Variants in SPIDR observed in about 807,000 individuals in gnomAD.
SPIDR encodes scaffold protein involved in DNA repair, also known as DNA repair-scaffolding protein.
Under a neutral mutation model 104.6 loss-of-function variants are expected in SPIDR, and 93 were observed. The observed-to-expected ratio is 0.89, with a 90% CI of 0.75 to 1.06. The LOEUF is 1.06. Among genes scored for constraint, SPIDR ranks in the 50% least tolerant of loss-of-function variants. The pLI is 0.00. For synonymous variants in SPIDR, 431 were observed against 416.9 expected (o/e 1.03, Z -0.41); for missense variants, 1,154 against 1,111.2 (o/e 1.04, Z -0.55).
At chr8:47,485,143 C>G (rs1471907523) in intron 8 of SPIDR, among the ~76,000 whole-genome samples, 1 of 152,226 alleles carries the variant, frequency 6.6e-6, no homozygotes, top group Non-Finnish European at 1.5e-5. Context: ...CGGGTCACTC[C>G]CACCCTAACA....
intron 8 of SPIDR, among the ~76,000 whole-genome samples, chr8:47,526,272 G>T (rs920278787): frequency 1.3e-5 from 2 of 152,132 alleles, no homozygotes; most frequent in African/African-American, 2.4e-5. Flanking sequence ...ACTGTTCTTG[G>T]TTATTTAATT....
intron 7 of SPIDR, among the ~76,000 whole-genome samples, chr8:47,429,167 G>A (rs1266919325): frequency 6.6e-6 from 1 of 152,170 alleles, no homozygotes; most frequent in African/African-American, 2.4e-5. Flanking sequence ...TAACGGAACA[G>A]TAAAGAGTTC....
At chr8:47,624,225 A>G (rs1359391291) in intron 10 of SPIDR, among the ~76,000 whole-genome samples, 4 of 152,234 alleles carry the variant, frequency 2.6e-5, no homozygotes, top group Non-Finnish European at 5.9e-5. Context: ...TCTCTGGGAC[A>G]CATTCAAAGC....
chr8:47,707,779 G>A (rs1248879466), intron 14 of SPIDR, among the ~76,000 whole-genome samples: 2 of 152,126 alleles, frequency 1.3e-5, no homozygotes, highest in Non-Finnish European at 2.9e-5. Flanking sequence ...TTTGTATAAG[G>A]TGTGTGGTTT....
At chr8:47,594,904 G>A (rs1322501531) in intron 8 of SPIDR, among the ~76,000 whole-genome samples, 4 of 152,108 alleles carry the variant, frequency 2.6e-5, no homozygotes, top group Admixed American at 6.5e-5. Flanking sequence ...GCTGAGGCAC[G>A]AGAATTATTT....
At chr8:47,571,064 T>C (rs113549923) in intron 8 of SPIDR, among the ~76,000 whole-genome samples, 5,367 of 151,982 alleles carry the variant, frequency 0.035, 260 homozygotes, top group African/African-American at 0.11. Context: ...GCACTCCAGC[T>C]TGGGCTACGG....
chr8:47,291,873 T>C (rs1258238713), intron 4 of SPIDR, among the ~76,000 whole-genome samples: 2 of 152,202 alleles, frequency 1.3e-5, no homozygotes, highest in African/African-American at 4.8e-5. Flanking sequence ...TTGTGTCATG[T>C]TTTAGACAAT....
intron 5 of SPIDR, among the ~76,000 whole-genome samples, chr8:47,347,839 G>T (rs1359557225): frequency 1.3e-5 from 2 of 152,102 alleles, no homozygotes; most frequent in African/African-American, 4.8e-5. Context: ...GAGCCTATGT[G>T]TGTCTTTGCA....
intron 8 of SPIDR, among the ~76,000 whole-genome samples, chr8:47,588,298 C>T (rs1190248088): frequency 6.7e-6 from 1 of 149,104 alleles, no homozygotes; most frequent in Non-Finnish European, 1.5e-5. Context: ...TTGTGAGATT[C>T]ACACTGACAT....
rs528279454 is a variant in SPIDR, at chr8:47,573,189, G to T, written c.1098-22622G>T. On this transcript the variant is annotated intron_variant, in intron 8 of 19. Coordinates refer to ENST00000297423, the MANE Select transcript of SPIDR (RefSeq NM_001080394.4). ...CGAGTGAAAAGTCCACTTGGTGTTT[G>T]TCCTGATTGTTTTTCGGCAGGCTTA... 2.0e-5 allele frequency among the ~76,000 whole-genome samples: 3 copies of T among 152,306 alleles called. No individual in the cohort carries two copies. In the East Asian group the frequency reaches 5.8e-4, roughly 29 times the overall value.
At chr8:47,286,711 GA>G (rs2038919056) in intron 3 of SPIDR, among the ~76,000 whole-genome samples, 1 of 152,118 alleles carries the variant, frequency 6.6e-6, no homozygotes, top group Non-Finnish European at 1.5e-5. Flanking sequence ...AATCTAGGGG[GA>G]AAAAGATAAC....
At chr8:47,464,924 A>T (rs2074531922) in intron 8 of SPIDR, among the ~76,000 whole-genome samples, 2 of 151,756 alleles carry the variant, frequency 1.3e-5, no homozygotes, top group South Asian at 4.2e-4. Context: ...ATGCACCACC[A>T]CACCTGGCTA....
chr8:47,730,941 G>C (rs1349414032), intron 19 of SPIDR, among the ~76,000 whole-genome samples: 1 of 152,222 alleles, frequency 6.6e-6, no homozygotes, highest in Non-Finnish European at 1.5e-5. Context: ...CTATACACTA[G>C]AATTACCTGC....
intron 8 of SPIDR, chr8:47,548,065 T>C (rs1051407746): frequency 6.6e-6 from 1 of 152,210 alleles, no homozygotes; most frequent in African/African-American, 2.4e-5. Context: ...TTTTTTTAAT[T>C]TCCTGAGACT....
At chr8:47,535,872 A>G (rs1169287653) in intron 8 of SPIDR, among the ~76,000 whole-genome samples, 4 of 152,160 alleles carry the variant, frequency 2.6e-5, no homozygotes, top group African/African-American at 9.6e-5. Flanking sequence ...TGAGGGATGA[A>G]ATAAAGTTGT....
chr8:47,469,862 TAAAAGG>T (rs2075425895), intron 8 of SPIDR, among the ~76,000 whole-genome samples: 1 of 152,082 alleles, frequency 6.6e-6, no homozygotes, highest in African/African-American at 2.4e-5. Context: ...CCCCTGAACT[TAAAAGG>T]TAAAGAAGAA....
intron 6 of SPIDR, among the ~76,000 whole-genome samples, chr8:47,400,707 C>A (rs2061769183): frequency 6.9e-6 from 1 of 144,078 alleles, no homozygotes; most frequent in Admixed American, 7.0e-5. Context: ...ATTTGTGGAA[C>A]TATTCAAAGC....
intron 8 of SPIDR, among the ~76,000 whole-genome samples, chr8:47,444,866 C>T (rs1374671156): frequency 5.3e-5 from 8 of 152,204 alleles, no homozygotes; most frequent in Non-Finnish European, 8.8e-5. Flanking sequence ...TCCATATTCT[C>T]AGGATGTGGT....
chr8:47,440,229 T>G, intron 7 of SPIDR, 94 bp from the exon 8 acceptor site: 1 of 1,087,750 alleles, frequency 9.2e-7, no homozygotes, highest in Non-Finnish European at 1.3e-6. Context: ...GAGTGCTATC[T>G]GCATGTGGAT....
Sources: gnomAD v4.1 joint callset for allele counts (sites outside exome capture counted in the v4.1 genomes callset) on GRCh38, gnomAD v4.1.1 for gene constraint, MANE v1.5 for transcripts, NCBI Gene and HGNC (gene_info 2026-07-23, HGNC 2026-07-21) for gene names.